Variants in ZNF385B observed in about 807,000 individuals in gnomAD.
ZNF385B encodes zinc finger protein 533.
ZNF385B carries 23 observed loss-of-function variants against 39.2 expected under a neutral mutation model. That is an observed-to-expected ratio of 0.59 (90% confidence interval 0.42 to 0.83). The LOEUF (loss-of-function observed/expected upper bound fraction) is 0.83, where lower values mean the gene tolerates loss of function less well. Among genes scored for constraint, ZNF385B ranks in the 40% least tolerant of loss-of-function variants. The pLI is 0.00. For synonymous variants in ZNF385B, 205 were observed against 222.6 expected (o/e 0.92, Z 0.70); for missense variants, 552 against 598.9 (o/e 0.92, Z 0.82).
rs1414076152 is a variant in ZNF385B at position 179,745,871 on chromosome 2, A to G, written c.298+23632T>C. On this transcript the variant is annotated intron_variant, in intron 3 of 9. Transcript: ENST00000410066. ...ATTATCTGTGTGACAGCACCACGTT[A>G]TATCAGTGCCGCTCCAAGCCTTCCC... The G allele has an allele frequency of 5.4e-6, 7 of 1,301,744 alleles. No homozygotes were observed. The East Asian group carries it at 1.5e-4, about 27-fold the overall frequency. 80.6% of individuals were successfully genotyped at this position (1,301,744 alleles called of 1,614,324 possible).
chr2:179,810,178 A>G (rs919360594), intron 1 of ZNF385B, among the ~76,000 whole-genome samples: 1 of 151,890 alleles, frequency 6.6e-6, no homozygotes, highest in African/African-American at 2.4e-5. Flanking sequence ...AATAAATTCC[A>G]GATAGGAAGA....
intron 3 of ZNF385B, among the ~76,000 whole-genome samples, chr2:179,744,727 G>T (rs986096419): frequency 3.3e-5 from 5 of 152,102 alleles, no homozygotes; most frequent in Admixed American, 6.6e-5. Context: ...CACCCCATGT[G>T]CCATGCTAGC....
At chr2:179,688,352 T>C (rs1383281132) in intron 3 of ZNF385B, among the ~76,000 whole-genome samples, 1 of 151,976 alleles carries the variant, frequency 6.6e-6, no homozygotes, top group Non-Finnish European at 1.5e-5. Context: ...TAAAAAGAGC[T>C]TCCAGGAGCA....
chr2:179,719,385 C>A (rs1181555662), intron 3 of ZNF385B, among the ~76,000 whole-genome samples: 1 of 152,180 alleles, frequency 6.6e-6, no homozygotes, highest in African/African-American at 2.4e-5. Flanking sequence ...GTTTCTCCAC[C>A]TCCTCTTTCA....
rs550401319 is a variant in ZNF385B at position 179,559,775 on chromosome 2, A to G, written c.299-14806T>C. Among the ~76,000 whole-genome samples, 222 of 152,172 alleles carry G rather than the reference A, an allele frequency of 1.5e-3. 1 individual carries two copies. The highest frequency in any genetic ancestry group is 5.1e-3 in the African/African-American group (210 of 41,516). On this transcript the variant is annotated intron_variant, in intron 3 of 9. Coordinates refer to ENST00000410066, the MANE Select transcript of ZNF385B (RefSeq NM_152520.6). ...CACATGGTTACTTGTGTGTGTGGTA[A>G]GAGTACCTAAAATCCACTCTTAGAA...
chr2:179,688,517 CAAA>C (rs1553508726), intron 3 of ZNF385B, among the ~76,000 whole-genome samples: 1 of 139,498 alleles, frequency 7.2e-6, no homozygotes, highest in Non-Finnish European at 1.6e-5. Flanking sequence ...ACAACAACAA[CAAA>C]AACAGAAAGA....
At chr2:179,672,629 G>A (rs1222568906) in intron 3 of ZNF385B, among the ~76,000 whole-genome samples, 2 of 152,088 alleles carry the variant, frequency 1.3e-5, no homozygotes, top group African/African-American at 4.8e-5. Flanking sequence ...TGGGAGTAGA[G>A]GCCCGATGAA....
chr2:179,726,791 C>G (rs911379533), intron 3 of ZNF385B, among the ~76,000 whole-genome samples: 3 of 151,996 alleles, frequency 2.0e-5, no homozygotes, highest in Non-Finnish European at 4.4e-5. Context: ...CTTTACACAT[C>G]TATAGACATC....
intron 3 of ZNF385B, among the ~76,000 whole-genome samples, chr2:179,648,241 G>A (rs1692907351): frequency 6.6e-6 from 1 of 152,130 alleles, no homozygotes; most frequent in African/African-American, 2.4e-5. Context: ...CAGTTGGGAT[G>A]AGGAGGCATC....
intron 3 of ZNF385B, among the ~76,000 whole-genome samples, chr2:179,606,204 T>C (rs976442895): frequency 6.6e-6 from 1 of 152,104 alleles, no homozygotes; most frequent in African/African-American, 2.4e-5. Context: ...GTTCTGCTAG[T>C]TGTGCAGTAT....
At chr2:179,800,643 AT>A (rs1481387000) in intron 1 of ZNF385B, among the ~76,000 whole-genome samples, 1 of 152,082 alleles carries the variant, frequency 6.6e-6, no homozygotes, top group Non-Finnish European at 1.5e-5. Context: ...TAAGCTACCA[AT>A]CTAGTTATGA....
chr2:179,557,543 TATA>T (rs2060998658), intron 3 of ZNF385B, among the ~76,000 whole-genome samples: 2 of 121,448 alleles, frequency 1.6e-5, no homozygotes, highest in South Asian at 5.5e-4. Context: ...TATACATGTA[TATA>T]ACATATATAC....
intron 4 of ZNF385B, among the ~76,000 whole-genome samples, chr2:179,542,600 C>T (rs1281808386): frequency 6.6e-6 from 1 of 152,112 alleles, no homozygotes; most frequent in African/African-American, 2.4e-5. Context: ...CATGAACAAA[C>T]CATTATGAAA....
intron 8 of ZNF385B, 100 bp downstream of exon 8, chr2:179,445,450 A>G (rs2049375984): frequency 2.5e-6 from 3 of 1,201,672 alleles, no homozygotes; most frequent in Admixed American, 5.0e-5. Context: ...AAGTTAGTCA[A>G]CTTAACTGTG....
At chr2:179,697,617 T>A (rs1002513609) in intron 3 of ZNF385B, among the ~76,000 whole-genome samples, 1 of 152,186 alleles carries the variant, frequency 6.6e-6, no homozygotes, top group Non-Finnish European at 1.5e-5. Flanking sequence ...TTCTCCACAG[T>A]CCAACTGGAG....
chr2:179,524,638 T>C (rs2058768908), intron 4 of ZNF385B, among the ~76,000 whole-genome samples: 1 of 150,402 alleles, frequency 6.6e-6, no homozygotes. Context: ...CAATATGTTT[T>C]AGATGCTGTC....
intron 5 of ZNF385B, among the ~76,000 whole-genome samples, 175 bp downstream of exon 5, chr2:179,518,353 G>A (rs1264300601): frequency 6.6e-6 from 1 of 152,154 alleles, no homozygotes; most frequent in Non-Finnish European, 1.5e-5. Flanking sequence ...ATACTCTATT[G>A]TTCAAGTTTT....
At chr2:179,522,943 C>T in intron 4 of ZNF385B, 1 of 408,282 alleles carries the variant, frequency 2.4e-6, no homozygotes, top group Admixed American at 3.0e-5. Flanking sequence ...AAGTTAGAAG[C>T]AGTCATCTGG....
intron 5 of ZNF385B, among the ~76,000 whole-genome samples, chr2:179,510,181 T>A (rs937917388): frequency 6.6e-6 from 1 of 152,136 alleles, no homozygotes; most frequent in African/African-American, 2.4e-5. Context: ...GAAATGCAGT[T>A]GATGTGTATG....
Sources: allele counts gnomAD v4.1 joint callset (sites outside exome capture counted in the v4.1 genomes callset), GRCh38; gene constraint gnomAD v4.1.1; transcripts MANE v1.5; gene names NCBI Gene and HGNC (gene_info 2026-07-23, HGNC 2026-07-21).